PPM1H: variants seen among roughly 807,000 people sequenced by gnomAD.
PPM1H encodes the protein protein phosphatase, Mg2+/Mn2+ dependent 1H.
A neutral mutation model predicts 54.9 loss-of-function variants in PPM1H; 27 were observed. The observed-to-expected ratio is 0.49, with a 90% CI of 0.36 to 0.68. The LOEUF is 0.68. Among genes scored for constraint, PPM1H ranks in the 30% least tolerant of loss-of-function variants. The probability of loss-of-function intolerance (pLI) is 0.00; values close to 1 mark genes in which losing one functional copy is unlikely to be tolerated. For missense variants in PPM1H, 596 were observed against 667.8 expected (o/e 0.89, Z 1.19); for synonymous variants, 305 against 270.8 (o/e 1.13, Z -1.24).
intron 4 of PPM1H, among the ~76,000 whole-genome samples, chr12:62,775,894 G>A (rs1021762516): frequency 5.3e-5 from 8 of 152,208 alleles, no homozygotes; most frequent in African/African-American, 1.9e-4. Context: ...CCCAAGACTG[G>A]GTAATTTATA....
intron 1 of PPM1H, among the ~76,000 whole-genome samples, chr12:62,889,855 C>T (rs1870722214): frequency 6.6e-6 from 1 of 152,122 alleles, no homozygotes; most frequent in South Asian, 2.1e-4. Flanking sequence ...ATCTACGTGG[C>T]CTTGAGTTTG....
intron 4 of PPM1H, among the ~76,000 whole-genome samples, chr12:62,745,869 G>A (rs2076407561): frequency 6.6e-6 from 1 of 152,144 alleles, no homozygotes; most frequent in African/African-American, 2.4e-5. Context: ...CTCTTTGATT[G>A]AAGGTTAGAT....
In PPM1H at chr12:62,874,797, G is replaced by A. The variant is rs535305544; in HGVS notation, c.246-42518C>T. ...ATTGTCTTAAGAACAGCCCAGACAC[G>A]TTTATATAGCTTCCGTGCTTTATGT... is the stretch of plus-strand genomic sequence containing the variant. On this transcript the variant is annotated intron_variant, in intron 1 of 9. Coordinates refer to ENST00000228705, the MANE Select transcript of PPM1H (RefSeq NM_020700.2). 1.3e-4 allele frequency among the ~76,000 whole-genome samples: 20 copies of A among 152,276 alleles called. No homozygotes were observed. In the East Asian group the frequency reaches 1.5e-3, roughly 12 times the overall value.
chr12:62,803,476 G>T (rs1241652192), intron 2 of PPM1H, among the ~76,000 whole-genome samples: 1 of 152,032 alleles, frequency 6.6e-6, no homozygotes, highest in Non-Finnish European at 1.5e-5. Context: ...AATGGTATTA[G>T]GAAAAGTGAA....
rs765043673 is a variant in PPM1H, at chr12:62,934,459, G to A, written c.245+33C>T. Reference sequence around the variant, plus strand: ...ACCGTGCGGGGAAGGGCCGCGAGGAGAGCAGGGGCGCCGCCGGTGTCGCTG... The same window carrying A: ...ACCGTGCGGGGAAGGGCCGCGAGGAAAGCAGGGGCGCCGCCGGTGTCGCTG... On this transcript the variant is annotated intron_variant, in intron 1 of 9. Transcript: ENST00000228705. This position sits in a 1 kb window ranked among gnomAD's most constrained non-coding sequence, Gnocchi z 4.2. 1.8e-5 allele frequency: 28 copies of A among 1,516,726 alleles called. No individual in the cohort carries two copies. The highest frequency in any genetic ancestry group is 2.3e-5 in the Non-Finnish European group (26 of 1,134,072). 94.0% of individuals were successfully genotyped at this position (1,516,726 alleles called of 1,614,324 possible).
chr12:62,711,790 C>T (rs546347334), intron 6 of PPM1H, among the ~76,000 whole-genome samples: 20 of 152,232 alleles, frequency 1.3e-4, no homozygotes, highest in African/African-American at 4.3e-4. Context: ...TGCGTGCATG[C>T]GTGTGTAGGG....
At chr12:62,742,683 G>A (rs1033388828) in intron 4 of PPM1H, among the ~76,000 whole-genome samples, 1 of 152,198 alleles carries the variant, frequency 6.6e-6, no homozygotes. Context: ...CGAGGGTGCA[G>A]GAGAGCTACG....
At chr12:62,707,669 A>G (rs2076183058) in intron 6 of PPM1H, among the ~76,000 whole-genome samples, 1 of 152,228 alleles carries the variant, frequency 6.6e-6, no homozygotes, top group African/African-American at 2.4e-5. Flanking sequence ...CAAAGCTTCA[A>G]TGTAGGTAAA....
intron 1 of PPM1H, among the ~76,000 whole-genome samples, chr12:62,921,985 AAAAG>A (rs2121169606): frequency 6.6e-6 from 1 of 152,378 alleles, no homozygotes; most frequent in East Asian, 1.9e-4. Context: ...AACTTTAGAA[AAAAG>A]AAACATCACT....
At chr12:62,709,813 G>A (rs895071192) in intron 6 of PPM1H, among the ~76,000 whole-genome samples, 32 of 152,228 alleles carry the variant, frequency 2.1e-4, no homozygotes, top group African/African-American at 7.5e-4. Context: ...GCTCACGACT[G>A]TAATCCTAGC....
chr12:62,693,633 G>A (rs79896867), intron 7 of PPM1H, among the ~76,000 whole-genome samples: 6,448 of 152,276 alleles, frequency 0.042, 253 homozygotes, highest in Admixed American at 0.11. Flanking sequence ...ATGAGATGAT[G>A]TGTGTGAAAG....
chr12:62,763,391 G>C (rs2076522142), intron 4 of PPM1H, among the ~76,000 whole-genome samples: 1 of 152,192 alleles, frequency 6.6e-6, no homozygotes, highest in Admixed American at 6.5e-5. Context: ...ATCCAGATAG[G>C]GTAAATGTGC....
chr12:62,807,701 A>G lies in PPM1H; in HGVS notation c.412-5541T>C, dbSNP rs1245839467. 2.0e-5 allele frequency among the ~76,000 whole-genome samples: 3 copies of G among 152,346 alleles called. No homozygotes were observed. The East Asian group carries it at 5.8e-4, about 29-fold the overall frequency. Reference sequence around the variant, plus strand: ...ATGTCCTCCTATGCTAGGAGGATGTAAAAAAGGGACATACTATTCGGGGAA... The same window carrying G: ...ATGTCCTCCTATGCTAGGAGGATGTGAAAAAGGGACATACTATTCGGGGAA... On this transcript the variant is annotated intron_variant, in intron 2 of 9. Transcript: ENST00000228705.
intron 1 of PPM1H, among the ~76,000 whole-genome samples, chr12:62,876,581 C>T (rs1267873895): frequency 1.3e-5 from 2 of 152,172 alleles, no homozygotes; most frequent in Non-Finnish European, 2.9e-5. Flanking sequence ...GGCAGGAGAG[C>T]TGTTTTGAAA....
intron 5 of PPM1H, among the ~76,000 whole-genome samples, chr12:62,729,899 G>A (rs193228803): frequency 1.6e-4 from 25 of 152,184 alleles, no homozygotes; most frequent in African/African-American, 5.1e-4. Context: ...TGACCTGCAC[G>A]TACACATCCA....
At chr12:62,867,754 T>TC (rs1192804455) in intron 1 of PPM1H, among the ~76,000 whole-genome samples, 2 of 151,508 alleles carry the variant, frequency 1.3e-5, no homozygotes, top group African/African-American at 2.4e-5. Flanking sequence ...TTTTTTTTTT[T>TC]TCTGTATTTT....
At chr12:62,904,775 G>T (rs1871259107) in intron 1 of PPM1H, among the ~76,000 whole-genome samples, 1 of 152,174 alleles carries the variant, frequency 6.6e-6, no homozygotes, top group African/African-American at 2.4e-5. Context: ...AGTCTGCAAT[G>T]TCTTCTTTTC....
chr12:62,664,783 AG>A (rs1396611601), intron 9 of PPM1H, among the ~76,000 whole-genome samples: 2 of 152,204 alleles, frequency 1.3e-5, no homozygotes, highest in African/African-American at 4.8e-5. Flanking sequence ...AAATTTCTTC[AG>A]AAGAGGTTAG....
rs776014589 is a variant in PPM1H, at chr12:62,737,593, T to C, written c.870-7A>G. On this transcript the variant is annotated splice_region_variant and splice_polypyrimidine_tract_variant and intron_variant, in intron 4 of 9. Transcript: ENST00000228705. ...ATTTCTGATGATTATGGCCCTGAAA[T>C]GGTGAAAATGCATTGTCAGTAGCCA... 1.3e-5 allele frequency: 20 copies of C among 1,536,364 alleles called. No homozygotes were observed. The Admixed American group carries it at 3.3e-4, about 25-fold the overall frequency.
Sources: allele counts gnomAD v4.1 joint callset (sites outside exome capture counted in the v4.1 genomes callset), GRCh38; gene constraint gnomAD v4.1.1; non-coding constraint Gnocchi (gnomAD v3.1); transcripts MANE v1.5; gene names NCBI Gene and HGNC (gene_info 2026-07-23, HGNC 2026-07-21).